The following GALNT13 variants were observed in gnomAD, a reference collection of about 807,000 sequenced individuals.
GALNT13 encodes the protein polypeptide N-acetylgalactosaminyltransferase 13.
Under a neutral mutation model 64.2 loss-of-function variants are expected in GALNT13, and 28 were observed. The observed-to-expected ratio is 0.44, with a 90% CI of 0.32 to 0.60. GALNT13 has a LOEUF of 0.60. Among genes scored for constraint, GALNT13 ranks in the 20% least tolerant of loss-of-function variants. The probability of loss-of-function intolerance (pLI) is 0.05; values close to 1 mark genes in which losing one functional copy is unlikely to be tolerated. For synonymous variants in GALNT13, 214 were observed against 224.6 expected (o/e 0.95, Z 0.42); for missense variants, 577 against 669.8 (o/e 0.86, Z 1.53).
At chr2:153,671,411 A>G in the GALNT13 span, among the ~76,000 whole-genome samples, 3 of 152,214 alleles carry the variant, frequency 2.0e-5, no homozygotes, top group African/African-American at 7.2e-5. Flanking sequence ...ATTCTTAAAG[A>G]AAGGAATTTT....
At chr2:153,621,429 G>T in the GALNT13 span, among the ~76,000 whole-genome samples, 1 of 152,070 alleles carries the variant, frequency 6.6e-6, no homozygotes, top group Non-Finnish European at 1.5e-5. Context: ...CTTGCCCAAG[G>T]TTTGCTGTAA....
chr2:153,256,540 G>A, the GALNT13 span, among the ~76,000 whole-genome samples: 242 of 152,252 alleles, frequency 1.6e-3, no homozygotes, highest in African/African-American at 4.9e-3. Flanking sequence ...GAGGAGAGGC[G>A]CTCTGCTTTT....
At chr2:153,746,750 T>C in the GALNT13 span, among the ~76,000 whole-genome samples, 1 of 152,166 alleles carries the variant, frequency 6.6e-6, no homozygotes, top group Non-Finnish European at 1.5e-5. Context: ...TGCCAATAAT[T>C]ATTACTTTCC....
the GALNT13 span, among the ~76,000 whole-genome samples, chr2:153,649,107 G>A: frequency 6.6e-6 from 1 of 152,060 alleles, no homozygotes; most frequent in East Asian, 1.9e-4. Flanking sequence ...GACTTTTTTG[G>A]TTGGTAAGCT....
At chr2:153,450,677 G>A in the GALNT13 span, among the ~76,000 whole-genome samples, 1 of 151,584 alleles carries the variant, frequency 6.6e-6, no homozygotes, top group Non-Finnish European at 1.5e-5. Context: ...ACACATATCA[G>A]TCAGTCTTCC....
the GALNT13 span, among the ~76,000 whole-genome samples, chr2:153,464,132 C>T: frequency 6.6e-6 from 1 of 152,066 alleles, no homozygotes; most frequent in Admixed American, 6.6e-5. Flanking sequence ...CTGGAAGCTA[C>T]TGTTATGTGC....
At chr2:154,019,400 C>T (rs145712496) in intron 3 of GALNT13, among the ~76,000 whole-genome samples, 2,210 of 152,068 alleles carry the variant, frequency 0.015, 26 homozygotes, top group Non-Finnish European at 0.022. Flanking sequence ...TTTGGGAGGC[C>T]AAGGCAGGTG....
the GALNT13 span, among the ~76,000 whole-genome samples, chr2:153,718,838 T>G: frequency 2.6e-5 from 4 of 152,186 alleles, no homozygotes; most frequent in African/African-American, 9.6e-5. Context: ...AGAAGGCATT[T>G]TAGAAGTATA....
chr2:154,194,816 A>G (rs184393195), intron 4 of GALNT13, among the ~76,000 whole-genome samples: 31 of 151,924 alleles, frequency 2.0e-4, no homozygotes, highest in African/African-American at 7.0e-4. Context: ...TGCAAAGTTT[A>G]TAAGTAGTGT....
chr2:154,169,234 G>C (rs1425389134), intron 4 of GALNT13, among the ~76,000 whole-genome samples: 1 of 152,006 alleles, frequency 6.6e-6, no homozygotes, highest in Admixed American at 6.6e-5. Context: ...TGGAGGGGAG[G>C]GGTCAAACAA....
At chr2:153,361,399 G>A in the GALNT13 span, among the ~76,000 whole-genome samples, 1 of 152,016 alleles carries the variant, frequency 6.6e-6, no homozygotes, top group Admixed American at 6.6e-5. Context: ...GCTTCAGAAG[G>A]TGGGTAATAA....
the GALNT13 span, among the ~76,000 whole-genome samples, chr2:153,070,570 G>A: frequency 2.0e-3 from 309 of 152,048 alleles, no homozygotes; most frequent in Middle Eastern, 0.01. Context: ...GAGGAGAGAA[G>A]GTATATAGGA....
the GALNT13 span, among the ~76,000 whole-genome samples, chr2:153,359,630 C>CAAAAAAAAAAAAA: frequency 1.8e-3 from 67 of 38,242 alleles, 8 homozygotes; most frequent in East Asian, 5.1e-3. Context: ...CAGCTTTCAG[C>CAAAAAAAAAAAAA]AAAAAAAAAA....
At chr2:153,566,199 G>A in the GALNT13 span, among the ~76,000 whole-genome samples, 1 of 152,002 alleles carries the variant, frequency 6.6e-6, no homozygotes, top group Non-Finnish European at 1.5e-5. Flanking sequence ...ATTTGATTCT[G>A]GAGCTCTTAT....
the GALNT13 span, among the ~76,000 whole-genome samples, chr2:153,215,503 A>G: frequency 6.6e-6 from 1 of 152,140 alleles, no homozygotes; most frequent in Non-Finnish European, 1.5e-5. Flanking sequence ...GTCTAACTGC[A>G]AAATCCATAT....
the GALNT13 span, among the ~76,000 whole-genome samples, chr2:153,402,747 C>T: frequency 6.6e-6 from 1 of 152,114 alleles, no homozygotes; most frequent in South Asian, 2.1e-4. Flanking sequence ...GCATTCTTCA[C>T]GTAGTTCTCA....
chr2:153,744,451 T>C, the GALNT13 span, among the ~76,000 whole-genome samples: 3 of 152,204 alleles, frequency 2.0e-5, no homozygotes, highest in Non-Finnish European at 4.4e-5. Flanking sequence ...CCTTTTCATA[T>C]GCGTATGTCC....
chr2:153,856,906 T>C, the GALNT13 span, among the ~76,000 whole-genome samples: 2 of 152,172 alleles, frequency 1.3e-5, no homozygotes, highest in Non-Finnish European at 2.9e-5. Flanking sequence ...GTTATAGAAC[T>C]GTATGGGATA....
chr2:154,354,030 G>A (rs931619114), intron 9 of GALNT13, among the ~76,000 whole-genome samples: 4 of 152,100 alleles, frequency 2.6e-5, no homozygotes, highest in African/African-American at 9.7e-5. Flanking sequence ...TTCACCAACA[G>A]TGTATAAGGG....
Sources: allele counts gnomAD v4.1 joint callset (sites outside exome capture counted in the v4.1 genomes callset), GRCh38; gene constraint gnomAD v4.1.1; transcripts MANE v1.5; gene names NCBI Gene and HGNC (gene_info 2026-07-23, HGNC 2026-07-21).